Variants in SYT1 observed in about 807,000 individuals in gnomAD.
SYT1 encodes synaptotagmin 1, also known as synaptotagmin-1.
In SYT1, 8 loss-of-function variants were observed where a neutral mutation model predicts 44.8. That is an observed-to-expected ratio of 0.18 (90% CI 0.10 to 0.32). SYT1 has a LOEUF of 0.32. Among genes scored for constraint, SYT1 ranks in the 10% least tolerant of loss-of-function variants. The pLI, the probability that SYT1 is intolerant of heterozygous loss-of-function variation, is 1.00. For synonymous variants in SYT1, 154 were observed against 188.8 expected (o/e 0.82, Z 1.51); for missense variants, 286 against 509.3 (o/e 0.56, Z 4.22).
chr12:79,071,499 G>A (rs1323858545), intron 3 of SYT1, among the ~76,000 whole-genome samples: 1 of 152,162 alleles, frequency 6.6e-6, no homozygotes, highest in African/African-American at 2.4e-5. Flanking sequence ...AAGCCTAAAT[G>A]TGGTTAAATG....
intron 9 of SYT1, among the ~76,000 whole-genome samples, chr12:79,434,971 A>AAGAT (rs1337418616): frequency 6.6e-6 from 1 of 152,060 alleles, no homozygotes; most frequent in Non-Finnish European, 1.5e-5. Flanking sequence ...TAATGATTTA[A>AAGAT]AGATAGACAC....
At chr12:79,199,385 C>T (rs1461189856) in intron 3 of SYT1, among the ~76,000 whole-genome samples, 3 of 152,046 alleles carry the variant, frequency 2.0e-5, no homozygotes, top group African/African-American at 4.8e-5. Context: ...GCTCTATATC[C>T]GTTTTTCCCT....
chr12:79,404,602 CA>C (rs1885179858), intron 9 of SYT1, among the ~76,000 whole-genome samples: 1 of 152,128 alleles, frequency 6.6e-6, no homozygotes, highest in South Asian at 2.1e-4. Flanking sequence ...ACTTAGTGGT[CA>C]AGTACATGTA....
chr12:79,255,830 T>A (rs1877483998), intron 4 of SYT1, among the ~76,000 whole-genome samples: 1 of 152,200 alleles, frequency 6.6e-6, no homozygotes, highest in Non-Finnish European at 1.5e-5. Context: ...GGTATACTGA[T>A]AAGTTTCACT....
At chr12:79,229,108 A>T (rs772052971) in intron 4 of SYT1, among the ~76,000 whole-genome samples, 4 of 152,200 alleles carry the variant, frequency 2.6e-5, no homozygotes, top group Non-Finnish European at 2.9e-5. Context: ...AGTGTCTGAC[A>T]CCAAAGGCAT....
intron 1 of SYT1, among the ~76,000 whole-genome samples, chr12:78,931,126 C>G (rs149359863): frequency 6.8e-6 from 1 of 146,278 alleles, no homozygotes; most frequent in Non-Finnish European, 1.5e-5. Flanking sequence ...CGCACCACTG[C>G]ACTCCAGTCT....
At chr12:79,344,866 A>T (rs1028968253) in intron 8 of SYT1, among the ~76,000 whole-genome samples, 2 of 152,346 alleles carry the variant, frequency 1.3e-5, no homozygotes, top group African/African-American at 2.4e-5. Context: ...CCACAAGTGT[A>T]TCAGTTAATC....
intron 1 of SYT1, among the ~76,000 whole-genome samples, chr12:78,886,910 T>C (rs956647923): frequency 1.3e-5 from 2 of 152,016 alleles, no homozygotes; most frequent in Non-Finnish European, 1.5e-5. Flanking sequence ...GAGATTAAAC[T>C]GGAAGCCCCA....
At chr12:79,311,551 A>G (rs28797208) in intron 8 of SYT1, among the ~76,000 whole-genome samples, 32,439 of 144,024 alleles carry the variant, frequency 0.23, 3,698 homozygotes, top group East Asian at 0.43. Context: ...TCATGCTGCT[A>G]TAAAGACACA....
At chr12:79,415,568 G>C (rs77865012) in intron 9 of SYT1, among the ~76,000 whole-genome samples, 26 of 152,114 alleles carry the variant, frequency 1.7e-4, no homozygotes, top group Non-Finnish European at 3.1e-4. Context: ...AGCTGCCTAC[G>C]ATTCCCTCGA....
At chr12:79,350,927 C>T (rs78524468) in intron 8 of SYT1, among the ~76,000 whole-genome samples, 1,603 of 152,130 alleles carry the variant, frequency 0.011, 30 homozygotes, top group Middle Eastern at 0.031. Flanking sequence ...TCTTGGAGAT[C>T]CAGAAGTAAT....
chr12:79,398,284 G>A (rs907035170), intron 9 of SYT1, among the ~76,000 whole-genome samples: 1 of 152,158 alleles, frequency 6.6e-6, no homozygotes, highest in South Asian at 2.1e-4. Context: ...TAAGGGCCAT[G>A]CTCTGAGTTC....
intron 2 of SYT1, among the ~76,000 whole-genome samples, chr12:78,987,230 C>T (rs1033713807): frequency 7.2e-5 from 11 of 152,028 alleles, no homozygotes; most frequent in African/African-American, 2.7e-4. Flanking sequence ...GCATGAGGAA[C>T]ATTTCTTTTA....
chr12:79,007,372 G>C (rs935578913), intron 2 of SYT1, among the ~76,000 whole-genome samples: 1 of 152,044 alleles, frequency 6.6e-6, no homozygotes, highest in Admixed American at 6.6e-5. Flanking sequence ...ATTAGTCATT[G>C]AGCACATGGA....
At chr12:79,446,539 C>T (rs1238532144) in intron 10 of SYT1, among the ~76,000 whole-genome samples, 14 of 152,102 alleles carry the variant, frequency 9.2e-5, no homozygotes, top group Non-Finnish European at 1.3e-4. Context: ...CTAGATGTGG[C>T]TGGTAGCTAC....
Position 79,285,966 on chromosome 12 carries a change from G to A in SYT1, c.346G>A (p.Asp116Asn). Reference sequence around the variant, plus strand: ...AAAAGACTTAGGGAAGACGATGAAAGATCAGGTAATGTATTCTTTCTACAT... The same window carrying A: ...AAAAGACTTAGGGAAGACGATGAAAAATCAGGTAATGTATTCTTTCTACAT... ...DVKDLGKTMKDQALKDDDAET... is the reference protein window; with the variant it reads ...DVKDLGKTMKNQALKDDDAET... Residue 116 changes from aspartate to asparagine, a missense_variant, in exon 5 of 11, where the codon GAT (aspartate) becomes AAT (asparagine). By Grantham distance (23) the Asp-to-Asn change is conservative. This residue lies in a region of SYT1 where 141 missense variants were observed against 165.7 expected (regional missense o/e 0.85). Coordinates refer to ENST00000261205, the MANE Select transcript of SYT1 (RefSeq NM_005639.3). The A allele has an allele frequency of 1.9e-6, 3 of 1,604,376 alleles. No individual in the cohort carries two copies. The highest frequency in any genetic ancestry group is 1.9e-4 in the Middle Eastern group (1 of 5,388).
chr12:79,099,622 ATG>A (rs1878333553), intron 3 of SYT1, among the ~76,000 whole-genome samples: 1 of 152,060 alleles, frequency 6.6e-6, no homozygotes, highest in South Asian at 2.1e-4. Context: ...ATTTCTAACA[ATG>A]TGAAGAATAT....
intron 1 of SYT1, chr12:78,926,656 T>C (rs1236792233): frequency 8.6e-5 from 13 of 152,018 alleles, no homozygotes. Context: ...AATACAACTA[T>C]GAATCTTAAA....
At chr12:78,935,166 A>G (rs1376269867) in intron 1 of SYT1, among the ~76,000 whole-genome samples, 1 of 152,192 alleles carries the variant, frequency 6.6e-6, no homozygotes, top group Non-Finnish European at 1.5e-5. Context: ...AACCATAGGA[A>G]GCAAGTAGGT....
Sources: gnomAD v4.1 joint callset for allele counts (sites outside exome capture counted in the v4.1 genomes callset) on GRCh38, gnomAD v4.1.1 for gene constraint, gnomAD v4.1.1 regional missense constraint, MANE v1.5 for transcripts, NCBI Gene and HGNC (gene_info 2026-07-23, HGNC 2026-07-21) for gene names.